HIPK3: variants seen among roughly 807,000 people sequenced by gnomAD.
The protein encoded by HIPK3 is homeodomain-interacting protein kinase 3.
HIPK3 carries 47 observed loss-of-function variants against 124.2 expected under a neutral mutation model. The ratio of observed to expected loss-of-function variants is 0.38; its 90% CI spans 0.30 to 0.48. HIPK3 has a LOEUF of 0.48. Among genes scored for constraint, HIPK3 ranks in the 20% least tolerant of loss-of-function variants. The pLI is 0.98. For synonymous variants in HIPK3, 482 were observed against 515.2 expected (o/e 0.94, Z 0.87); for missense variants, 1,286 against 1,454.3 (o/e 0.88, Z 1.88).
intron 2 of HIPK3, among the ~76,000 whole-genome samples, chr11:33,301,821 GACACACAC>G (rs143389257): frequency 1.6e-5 from 2 of 127,468 alleles, no homozygotes; most frequent in African/African-American, 2.9e-5. Context: ...AACCCTGTCT[GACACACAC>G]ACACACACAC....
At chr11:33,270,114 A>G (rs1019229306) in intron 1 of HIPK3, among the ~76,000 whole-genome samples, 7 of 152,064 alleles carry the variant, frequency 4.6e-5, no homozygotes, top group African/African-American at 1.7e-4. Flanking sequence ...AGTAGCTGGG[A>G]TTACAGGCAC....
intron 1 of HIPK3, among the ~76,000 whole-genome samples, chr11:33,274,190 G>T (rs920964893): frequency 1.3e-5 from 2 of 152,050 alleles, no homozygotes; most frequent in Non-Finnish European, 2.9e-5. Flanking sequence ...GTGGGCATTC[G>T]GTCAAATTAT....
At chr11:33,300,772 T>G (rs1851976169) in intron 2 of HIPK3, among the ~76,000 whole-genome samples, 1 of 152,146 alleles carries the variant, frequency 6.6e-6, no homozygotes, top group African/African-American at 2.4e-5. Flanking sequence ...TCTCACTCAG[T>G]CACCCAGACT....
chr11:33,294,131 G>GCAA (rs1412675596), intron 2 of HIPK3, among the ~76,000 whole-genome samples: 9 of 148,562 alleles, frequency 6.1e-5, no homozygotes, highest in Non-Finnish European at 1.2e-4. Context: ...TCCAGCCTGG[G>GCAA]CAACAGAGCG....
At chr11:33,309,470 A>G (rs746870973) in intron 2 of HIPK3, among the ~76,000 whole-genome samples, 1 of 152,262 alleles carries the variant, frequency 6.6e-6, no homozygotes, top group Non-Finnish European at 1.5e-5. Flanking sequence ...ATATAGGAAC[A>G]GGAAGCTATG....
In HIPK3 at chr11:33,257,832, C is replaced by T; in HGVS notation, c.-60C>T. On this transcript the variant is annotated 5_prime_UTR_variant, in exon 1 of 17. Transcript: ENST00000303296. ...CCCCGGCACGGCCCTGCGCCCCACC[C>T]CGGACATGCTCAGGGCTGCGGCCGC... is the stretch of plus-strand genomic sequence containing the variant. 1 of 986,164 alleles carries T rather than the reference C, an allele frequency of 1.0e-6. No individual in the cohort carries two copies. Among genetic ancestry groups the T allele is most frequent in the Non-Finnish European group, 1.2e-6 (1 of 830,530 alleles). The allele number at this position is 986,164 out of a possible 1,614,324, so 61.1% of individuals were successfully genotyped here.
At chr11:33,294,194 G>A (rs1837770597) in intron 2 of HIPK3, among the ~76,000 whole-genome samples, 1 of 151,188 alleles carries the variant, frequency 6.6e-6, no homozygotes, top group Non-Finnish European at 1.5e-5. Context: ...CAAGGAGAGA[G>A]AACAAGAGAA....
chr11:33,303,415 A>AGT (rs1426997376), intron 2 of HIPK3, among the ~76,000 whole-genome samples: 2 of 152,224 alleles, frequency 1.3e-5, no homozygotes, highest in Admixed American at 6.5e-5. Context: ...CTGCAGGTAC[A>AGT]GAAGGCTGAC....
At chr11:33,293,327 A>T (rs1041470073) in intron 2 of HIPK3, among the ~76,000 whole-genome samples, 2 of 152,086 alleles carry the variant, frequency 1.3e-5, no homozygotes, top group African/African-American at 4.8e-5. Flanking sequence ...TAAGTTTAAA[A>T]TTTTTTTGGC....
intron 1 of HIPK3, among the ~76,000 whole-genome samples, chr11:33,267,469 C>A (rs926124848): frequency 6.7e-6 from 1 of 149,998 alleles, no homozygotes; most frequent in Admixed American, 6.7e-5. Flanking sequence ...TTACTTGAAA[C>A]CACTACACAA....
chr11:33,283,236 G>A (rs1397622959), intron 1 of HIPK3, among the ~76,000 whole-genome samples: 2 of 151,148 alleles, frequency 1.3e-5, no homozygotes, highest in Non-Finnish European at 2.9e-5. Context: ...TCAGCCTCCC[G>A]AGTAGCTGGG....
intron 12 of HIPK3, 103 bp from the exon 13 acceptor site, chr11:33,348,419 C>T: frequency 8.3e-6 from 9 of 1,087,714 alleles, no homozygotes; most frequent in South Asian, 1.7e-5. Flanking sequence ...TTCATGAACT[C>T]GAACAAGTGA....
At chr11:33,275,571 A>G (rs1851249924) in intron 1 of HIPK3, among the ~76,000 whole-genome samples, 1 of 152,130 alleles carries the variant, frequency 6.6e-6, no homozygotes, top group Non-Finnish European at 1.5e-5. Context: ...AATGAAATAA[A>G]CTGACTAGAA....
At chr11:33,302,627 G>A (rs910894162) in intron 2 of HIPK3, among the ~76,000 whole-genome samples, 15 of 152,112 alleles carry the variant, frequency 9.9e-5, no homozygotes, top group Non-Finnish European at 1.8e-4. Context: ...GGGTCACTGT[G>A]CCTGGCCACT....
At position 33,339,512 on chromosome 11, in the gene HIPK3, C is replaced by G. The variant is rs1471358171; in HGVS notation, c.1591C>G (p.Leu531Val). Reference protein sequence around the residue: ...NHPFVNMKHLLDFPHSNHVKS... With the variant: ...NHPFVNMKHLVDFPHSNHVKS... Reference sequence around the variant, plus strand: ...TCCTTTTGTTAATATGAAACATCTTCTAGATTTCCCTCATAGCAACCAGTA... The same window carrying G: ...TCCTTTTGTTAATATGAAACATCTTGTAGATTTCCCTCATAGCAACCAGTA... The change falls in exon 6 of 17, where the codon CTA (leucine) becomes GTA (valine). Residue 531 changes from leucine (L) to valine (V), a missense_variant. Transcript: ENST00000303296. 5 of 1,602,538 alleles carry G rather than the reference C, an allele frequency of 3.1e-6. No individual in the cohort carries two copies. Among genetic ancestry groups the G allele is most frequent in the Non-Finnish European group, 4.3e-6 (5 of 1,171,894 alleles).
intron 2 of HIPK3, among the ~76,000 whole-genome samples, chr11:33,292,986 C>A (rs1268742555): frequency 6.6e-6 from 1 of 152,214 alleles, no homozygotes; most frequent in Non-Finnish European, 1.5e-5. Flanking sequence ...ATCCACCCGC[C>A]TCAGCTTCCC....
chr11:33,306,742 G>A (rs1348134206), intron 2 of HIPK3, among the ~76,000 whole-genome samples: 1 of 152,126 alleles, frequency 6.6e-6, no homozygotes, highest in Non-Finnish European at 1.5e-5. Context: ...TTAGGACATT[G>A]TGTACATTTT....
At chr11:33,310,175 G>A (rs941797754) in intron 2 of HIPK3, among the ~76,000 whole-genome samples, 8 of 152,046 alleles carry the variant, frequency 5.3e-5, no homozygotes, top group Admixed American at 2.6e-4. Context: ...TTCTTGACAC[G>A]TGCTGTTCAA....
At chr11:33,352,363 A>G (rs1332854907) in intron 16 of HIPK3, 98 bp downstream of exon 16, 1 of 1,324,760 alleles carries the variant, frequency 7.5e-7, no homozygotes, top group East Asian at 2.3e-5. Flanking sequence ...ATGTAGTGTT[A>G]ATGAATTTTT....
Sources: allele counts gnomAD v4.1 joint callset (sites outside exome capture counted in the v4.1 genomes callset), GRCh38; gene constraint gnomAD v4.1.1; transcripts MANE v1.5; gene names NCBI Gene and HGNC (gene_info 2026-07-23, HGNC 2026-07-21).